The following CHRM3 variants were observed in gnomAD, a reference collection of about 807,000 sequenced individuals.
The protein encoded by CHRM3 is cholinergic receptor muscarinic 3.
In CHRM3, 11 loss-of-function variants were observed where a neutral mutation model predicts 41.8. The ratio of observed to expected loss-of-function variants is 0.26; its 90% confidence interval spans 0.17 to 0.44. The LOEUF (loss-of-function observed/expected upper bound fraction) is 0.44, where lower values mean the gene tolerates loss of function less well. Among genes scored for constraint, CHRM3 ranks in the 20% least tolerant of loss-of-function variants. The pLI is 1.00. For synonymous variants in CHRM3, 297 were observed against 301.4 expected, an observed-to-expected ratio of 0.99 and a Z score of 0.15; for missense variants, 571 against 745.4, an observed-to-expected ratio of 0.77 and a Z score of 2.72.
chr1:239,877,925 C>G (rs1324233884), intron 6 of CHRM3, among the ~76,000 whole-genome samples: 2 of 149,700 alleles, frequency 1.3e-5, no homozygotes, highest in Non-Finnish European at 3.0e-5. Context: ...GAGTCTCGCT[C>G]TATCGCCCAG....
At chr1:239,765,026 G>A (rs138626334) in intron 5 of CHRM3, among the ~76,000 whole-genome samples, 2 of 152,260 alleles carry the variant, frequency 1.3e-5, no homozygotes, top group East Asian at 3.9e-4. Flanking sequence ...AATTCCTTGG[G>A]CCATCTGGAA....
intron 5 of CHRM3, chr1:239,706,617 T>TACAC (rs35644191): frequency 0.091 from 13,228 of 144,912 alleles, 768 homozygotes; most frequent in African/African-American, 0.16. Flanking sequence ...TGTGTCCATG[T>TACAC]ACACACACAC....
intron 3 of CHRM3, among the ~76,000 whole-genome samples, chr1:239,596,999 C>G (rs1664851975): frequency 6.6e-6 from 1 of 152,056 alleles, no homozygotes; most frequent in African/African-American, 2.4e-5. Context: ...GAAAATAACT[C>G]TTTTTGTGAT....
chr1:239,388,369 C>T (rs140470778), intron 1 of CHRM3, among the ~76,000 whole-genome samples: 1 of 152,210 alleles, frequency 6.6e-6, no homozygotes, highest in East Asian at 1.9e-4. Context: ...TCTCTCTTGC[C>T]CTCTGAGTTC....
At chr1:239,839,204 T>C (rs939782275) in intron 6 of CHRM3, among the ~76,000 whole-genome samples, 1 of 152,238 alleles carries the variant, frequency 6.6e-6, no homozygotes, top group Non-Finnish European at 1.5e-5. Context: ...CCCCAAATCA[T>C]GCTAGGACTG....
At chr1:239,638,352 T>C (rs1670717220) in intron 4 of CHRM3, among the ~76,000 whole-genome samples, 1 of 152,074 alleles carries the variant, frequency 6.6e-6, no homozygotes, top group African/African-American at 2.4e-5. Context: ...ACTTCCACAA[T>C]GGTTGAACTA....
chr1:239,905,712 A>G (rs915902762), intron 6 of CHRM3, among the ~76,000 whole-genome samples: 2 of 152,184 alleles, frequency 1.3e-5, no homozygotes, highest in African/African-American at 4.8e-5. Context: ...AATATAATAT[A>G]ATAAATAAGA....
intron 4 of CHRM3, among the ~76,000 whole-genome samples, chr1:239,673,099 A>G (rs571882416): frequency 1.4e-3 from 209 of 152,276 alleles, no homozygotes; most frequent in South Asian, 4.1e-3. Context: ...CCTGCCCAGC[A>G]GAAGACAGAA....
At chr1:239,674,020 T>G (rs1349354171) in intron 4 of CHRM3, among the ~76,000 whole-genome samples, 2 of 152,166 alleles carry the variant, frequency 1.3e-5, no homozygotes, top group African/African-American at 2.4e-5. Flanking sequence ...TTTTGGATTT[T>G]TCGGTTAGGA....
At chr1:239,881,343 G>A (rs1296814550) in intron 6 of CHRM3, among the ~76,000 whole-genome samples, 2 of 149,128 alleles carry the variant, frequency 1.3e-5, no homozygotes, top group Non-Finnish European at 3.0e-5. Flanking sequence ...GTTAGTGCCT[G>A]TTGCGTGAGC....
chr1:239,436,961 T>G (rs909156867), intron 1 of CHRM3, among the ~76,000 whole-genome samples: 6 of 152,016 alleles, frequency 3.9e-5, no homozygotes, highest in African/African-American at 1.5e-4. Context: ...GATTACTAAC[T>G]CCAGGCCAAC....
intron 2 of CHRM3, among the ~76,000 whole-genome samples, chr1:239,517,177 A>C (rs2148238454): frequency 6.6e-6 from 1 of 152,276 alleles, no homozygotes. Flanking sequence ...GGTGCCCAAA[A>C]GTTTGGAGGC....
At chr1:239,906,353 A>G (rs892951802) in intron 6 of CHRM3, among the ~76,000 whole-genome samples, 4 of 152,198 alleles carry the variant, frequency 2.6e-5, no homozygotes, top group African/African-American at 9.6e-5. Flanking sequence ...CAGGGTACAC[A>G]ATAGATTTTT....
At chr1:239,709,090 A>G (rs2148193183) in intron 5 of CHRM3, among the ~76,000 whole-genome samples, 1 of 152,042 alleles carries the variant, frequency 6.6e-6, no homozygotes, top group South Asian at 2.1e-4. Flanking sequence ...GTTTCTACCT[A>G]TTTATTTGCA....
At chr1:239,558,636 C>T (rs1362797444) in intron 3 of CHRM3, among the ~76,000 whole-genome samples, 1 of 152,194 alleles carries the variant, frequency 6.6e-6, no homozygotes, top group African/African-American at 2.4e-5. Flanking sequence ...GGAACTTGGG[C>T]AGCATCCTCC....
chr1:239,662,091 T>C (rs2149014971), intron 4 of CHRM3, among the ~76,000 whole-genome samples: 1 of 148,688 alleles, frequency 6.7e-6, no homozygotes, highest in African/African-American at 2.5e-5. Context: ...AGGAAATATC[T>C]GTTTCAGTTT....
chr1:239,582,028 A>G (rs1662950078), intron 3 of CHRM3, among the ~76,000 whole-genome samples: 1 of 152,210 alleles, frequency 6.6e-6, no homozygotes, highest in South Asian at 2.1e-4. Flanking sequence ...TTTTTAACCT[A>G]AGTACTCTGC....
intron 4 of CHRM3, among the ~76,000 whole-genome samples, chr1:239,646,213 C>G (rs1405077207): frequency 6.6e-6 from 1 of 152,214 alleles, no homozygotes; most frequent in Non-Finnish European, 1.5e-5. Flanking sequence ...TTTGACATGT[C>G]CTTTCAGCAG....
At chr1:239,860,161 A>G (rs1675521375) in intron 6 of CHRM3, among the ~76,000 whole-genome samples, 1 of 152,146 alleles carries the variant, frequency 6.6e-6, no homozygotes, top group South Asian at 2.1e-4. Context: ...CTAAACTCAA[A>G]TCAGAGCATC....
Sources: gnomAD v4.1 joint callset for allele counts (sites outside exome capture counted in the v4.1 genomes callset) on GRCh38, gnomAD v4.1.1 for gene constraint, MANE v1.5 for transcripts, NCBI Gene and HGNC (gene_info 2026-07-23, HGNC 2026-07-21) for gene names.